Variants in BCHE observed in about 807,000 individuals in gnomAD.
BCHE encodes butyrylcholinesterase.
Under a neutral mutation model 51.3 loss-of-function variants are expected in BCHE, and 48 were observed. The observed-to-expected ratio is 0.94, with a 90% CI of 0.74 to 1.19. BCHE has a LOEUF of 1.19. Among genes scored for constraint, BCHE ranks in the 50% most tolerant of loss-of-function variants. The pLI, the probability that BCHE is intolerant of heterozygous loss-of-function variation, is 0.00. For synonymous variants in BCHE, 251 were observed against 238.0 expected, an observed-to-expected ratio of 1.05 and a Z score of -0.50; for missense variants, 847 against 708.2, an observed-to-expected ratio of 1.20 and a Z score of -2.23.
At chr3:165,836,696 CAT>C (rs1217176009) in intron 1 of BCHE, among the ~76,000 whole-genome samples, 1 of 151,824 alleles carries the variant, frequency 6.6e-6, no homozygotes, top group East Asian at 1.9e-4. Context: ...TTTAAACAAA[CAT>C]ATAAAAAGTG....
intron 2 of BCHE, among the ~76,000 whole-genome samples, chr3:165,823,248 A>T (rs1386485982): frequency 6.6e-6 from 1 of 152,162 alleles, no homozygotes; most frequent in Non-Finnish European, 1.5e-5. Flanking sequence ...AATCAAATTT[A>T]AAAATCTTGT....
intron 2 of BCHE, among the ~76,000 whole-genome samples, chr3:165,823,312 G>T (rs376699489): frequency 2.8e-4 from 42 of 152,156 alleles, no homozygotes; most frequent in African/African-American, 9.6e-4. Flanking sequence ...ATAACTGAAT[G>T]AGATCTATAA....
intron 2 of BCHE, among the ~76,000 whole-genome samples, chr3:165,787,757 C>T (rs2108203616): frequency 6.6e-6 from 1 of 152,032 alleles, no homozygotes; most frequent in Non-Finnish European, 1.5e-5. Flanking sequence ...ACATTAAGGT[C>T]TAACAGCCCT....
At chr3:165,792,734 T>A (rs982425874) in intron 2 of BCHE, among the ~76,000 whole-genome samples, 3 of 152,192 alleles carry the variant, frequency 2.0e-5, no homozygotes, top group Non-Finnish European at 2.9e-5. Context: ...GGTTACAAAT[T>A]CAGTGTTCTT....
At chr3:165,793,569 T>G (rs1007470241) in intron 2 of BCHE, among the ~76,000 whole-genome samples, 1 of 152,208 alleles carries the variant, frequency 6.6e-6, no homozygotes, top group Non-Finnish European at 1.5e-5. Context: ...TGATGTGTGG[T>G]TACCTCTTCG....
intron 1 of BCHE, 40 bp from the exon 2 acceptor site, chr3:165,831,081 C>T (rs1441391061): frequency 6.8e-7 from 1 of 1,477,356 alleles, no homozygotes; most frequent in Admixed American, 1.8e-5. Flanking sequence ...AAGCCTTCTG[C>T]ATATAGCATA....
intron 3 of BCHE, among the ~76,000 whole-genome samples, chr3:165,773,805 A>T (rs1712351310): frequency 6.6e-6 from 1 of 151,948 alleles, no homozygotes; most frequent in Non-Finnish European, 1.5e-5. Context: ...TATTTTCTTT[A>T]GTTTTCAAGA....
chr3:165,833,089 TAAG>T (rs1399787043), intron 1 of BCHE, among the ~76,000 whole-genome samples: 2 of 152,030 alleles, frequency 1.3e-5, no homozygotes, highest in East Asian at 1.9e-4. Context: ...GCTATAATAA[TAAG>T]GTTTTAAAAA....
chr3:165,789,486 T>C (rs1032264282), intron 2 of BCHE, among the ~76,000 whole-genome samples: 1 of 152,142 alleles, frequency 6.6e-6, no homozygotes, highest in African/African-American at 2.4e-5. Flanking sequence ...TTCTTGGAAT[T>C]ATAGAATCCT....
At chr3:165,807,803 GC>G (rs1381350402) in intron 2 of BCHE, among the ~76,000 whole-genome samples, 32 of 151,774 alleles carry the variant, frequency 2.1e-4, no homozygotes, top group Admixed American at 4.6e-4. Context: ...ACCTCAAGTG[GC>G]CCACCGAACT....
At chr3:165,811,227 A>G (rs941550637) in intron 2 of BCHE, among the ~76,000 whole-genome samples, 1 of 152,154 alleles carries the variant, frequency 6.6e-6, no homozygotes, top group Non-Finnish European at 1.5e-5. Context: ...AGACCGCTCC[A>G]TTTTGTAGGC....
intron 2 of BCHE, among the ~76,000 whole-genome samples, chr3:165,805,935 T>C (rs1174165720): frequency 1.3e-5 from 2 of 152,146 alleles, no homozygotes; most frequent in Admixed American, 6.5e-5. Flanking sequence ...TCTCTGGACA[T>C]CTGAAATCCA....
intron 2 of BCHE, among the ~76,000 whole-genome samples, chr3:165,787,274 T>A (rs1273480208): frequency 1.3e-5 from 2 of 151,484 alleles, no homozygotes; most frequent in African/African-American, 4.8e-5. Context: ...AACTCAGAGA[T>A]TTTTAAAAGT....
At chr3:165,795,272 A>G (rs181061370) in intron 2 of BCHE, among the ~76,000 whole-genome samples, 20 of 152,312 alleles carry the variant, frequency 1.3e-4, no homozygotes, top group Admixed American at 3.9e-4. Context: ...ATGAGGAGTC[A>G]TTATATAGAC....
rs771895178 is a variant in BCHE, at chr3:165,830,394, C to T, written c.640G>A (p.Gly214Ser). The T allele has an allele frequency of 6.8e-6, 11 of 1,613,810 alleles. No individual in the cohort carries two copies. The Admixed American group carries it at 8.3e-5, about 12-fold the overall frequency. The change falls in exon 2 of 4, where the codon GGT (glycine) becomes AGT (serine). Residue 214 changes from glycine (G) to serine (S), a missense_variant. Transcript: ENST00000264381. The stretch of plus-strand genomic sequence containing the variant: ...AGAGTTACACTTTTAGGATTTCCAC[C>T]AAAGGCTGCTATATTTTTTTGAACC... The part of the protein sequence containing the change: ...QWVQKNIAAF[G>S]GNPKSVTLFG...
intron 2 of BCHE, among the ~76,000 whole-genome samples, chr3:165,796,109 A>G (rs1713365978): frequency 6.6e-6 from 1 of 152,206 alleles, no homozygotes; most frequent in Non-Finnish European, 1.5e-5. Flanking sequence ...GGAACAAATT[A>G]CACTTCATTT....
intron 2 of BCHE, among the ~76,000 whole-genome samples, chr3:165,813,287 CA>C (rs1460200707): frequency 6.6e-6 from 1 of 151,492 alleles, no homozygotes; most frequent in Non-Finnish European, 1.5e-5. Flanking sequence ...ATTAAGTAAT[CA>C]AATCATTAGG....
At chr3:165,834,157 T>C (rs1715100981) in intron 1 of BCHE, among the ~76,000 whole-genome samples, 1 of 152,106 alleles carries the variant, frequency 6.6e-6, no homozygotes, top group African/African-American at 2.4e-5. Context: ...TGATGTTTCA[T>C]TGTTTATGTT....
intron 2 of BCHE, among the ~76,000 whole-genome samples, chr3:165,806,320 CTT>C (rs1248884580): frequency 6.6e-6 from 1 of 152,120 alleles, no homozygotes; most frequent in Middle Eastern, 3.2e-3. Context: ...TACCCCAAAA[CTT>C]TTTATTTCTT....
Sources: allele counts gnomAD v4.1 joint callset (sites outside exome capture counted in the v4.1 genomes callset), GRCh38; gene constraint gnomAD v4.1.1; transcripts MANE v1.5; gene names NCBI Gene and HGNC (gene_info 2026-07-23, HGNC 2026-07-21).